The following PIK3C2G variants were observed in gnomAD, a reference collection of about 807,000 sequenced individuals.
The protein encoded by PIK3C2G is phosphatidylinositol 3-kinase C2 domain-containing subunit gamma.
In PIK3C2G, 168 loss-of-function variants were observed where a neutral mutation model predicts 181.1. The observed-to-expected ratio is 0.93, with a 90% CI of 0.82 to 1.05. The LOEUF (loss-of-function observed/expected upper bound fraction) is 1.05, where lower values mean the gene tolerates loss of function less well. PIK3C2G is among the 50% of genes least tolerant of loss of function. The probability of loss-of-function intolerance (pLI) is 0.00; values close to 1 mark genes in which losing one functional copy is unlikely to be tolerated. For missense variants in PIK3C2G, 1,869 were observed against 1,732.8 expected (o/e 1.08, Z -1.40); for synonymous variants, 573 against 592.2 (o/e 0.97, Z 0.47).
At chr12:18,654,134 G>T in the PIK3C2G span, among the ~76,000 whole-genome samples, 6 of 152,002 alleles carry the variant, frequency 3.9e-5, no homozygotes, top group Admixed American at 3.3e-4. Flanking sequence ...TCAAAACACA[G>T]ACTGGGCAGA....
chr12:18,478,221 T>C (rs1050836737), intron 18 of PIK3C2G, among the ~76,000 whole-genome samples: 1 of 152,200 alleles, frequency 6.6e-6, no homozygotes, highest in African/African-American at 2.4e-5. Flanking sequence ...TAACTTAAAA[T>C]TCCATGAGCA....
intron 13 of PIK3C2G, among the ~76,000 whole-genome samples, chr12:18,379,667 A>T (rs1010990129): frequency 2.6e-5 from 4 of 152,174 alleles, no homozygotes; most frequent in Non-Finnish European, 5.9e-5. Flanking sequence ...GCCCCTTTTT[A>T]AGCTGACGGA....
rs113874499 is a variant in PIK3C2G at position 18,315,497 on chromosome 12, G to A, written c.1137+1433G>A. On this transcript the variant is annotated intron_variant, in intron 6 of 32. Transcript: ENST00000538779. Reference sequence around the variant, plus strand: ...GATGCTGCTAAAATAATAACTTATCGGTAGTAATTAACAAATCACTAACAT... The same window carrying A: ...GATGCTGCTAAAATAATAACTTATCAGTAGTAATTAACAAATCACTAACAT... Among the ~76,000 whole-genome samples, 6 of 152,046 alleles carry A rather than the reference G, an allele frequency of 3.9e-5. 1 individual carries two copies. Among genetic ancestry groups the A allele is most frequent in the South Asian group, 4.2e-4 (2 of 4,818 alleles).
chr12:18,546,392 C>G lies in PIK3C2G; in HGVS notation c.3550C>G (p.Pro1184Ala). Reference protein sequence around the residue: ...DLKYVYNNLRPQDTDLEATSH... With the variant: ...DLKYVYNNLRAQDTDLEATSH... The stretch of plus-strand genomic sequence containing the variant: ...GAAATATGTGTATAATAATCTTCGT[C>G]CACAAGACACAGACCTGGAAGCAAC... Residue 1184 changes from proline (P) to alanine (A), a missense_variant, in exon 26 of 33, where the codon CCA (proline) becomes GCA (alanine). By Grantham distance (27) the Pro-to-Ala change is conservative (BLOSUM62 -1). Transcript: ENST00000538779. 1.2e-6 allele frequency: 2 copies of G among 1,600,484 alleles called. No individual in the cohort carries two copies. The highest frequency in any genetic ancestry group is 2.3e-5 in the South Asian group (2 of 88,704).
At chr12:18,587,235 G>C (rs966206542) in intron 29 of PIK3C2G, among the ~76,000 whole-genome samples, 1 of 151,968 alleles carries the variant, frequency 6.6e-6, no homozygotes, top group Admixed American at 6.6e-5. Context: ...ATAAATAAAG[G>C]GCATCCAAAT....
At chr12:18,302,627 G>A (rs757729949) in intron 5 of PIK3C2G, among the ~76,000 whole-genome samples, 17 of 152,234 alleles carry the variant, frequency 1.1e-4, no homozygotes, top group Admixed American at 1.3e-4. Flanking sequence ...TCCCCACCTC[G>A]CATGCTTGGG....
intron 18 of PIK3C2G, among the ~76,000 whole-genome samples, chr12:18,461,064 G>A (rs11044129): frequency 0.15 from 22,048 of 151,942 alleles, 1,749 homozygotes; most frequent in African/African-American, 0.2. Context: ...CTTCAAAACT[G>A]TATGTTTATG....
intron 18 of PIK3C2G, among the ~76,000 whole-genome samples, chr12:18,431,574 C>T (rs905374118): frequency 2.0e-4 from 31 of 152,142 alleles, no homozygotes; most frequent in African/African-American, 6.3e-4. Context: ...GGTAAATGCT[C>T]TCTCTTTTTG....
intron 26 of PIK3C2G, among the ~76,000 whole-genome samples, chr12:18,555,547 T>A (rs920588584): frequency 3.3e-5 from 5 of 152,136 alleles, no homozygotes; most frequent in African/African-American, 1.2e-4. Context: ...GTATAAAAAG[T>A]GCATGTATTA....
chr12:18,726,276 A>G, the PIK3C2G span, among the ~76,000 whole-genome samples: 1 of 152,210 alleles, frequency 6.6e-6, no homozygotes, highest in South Asian at 2.1e-4. Context: ...TTTCGTATTA[A>G]TCATTAAACA....
intron 25 of PIK3C2G, 127 bp downstream of exon 25, chr12:18,538,439 C>A: frequency 1.4e-6 from 1 of 696,120 alleles, no homozygotes; most frequent in Non-Finnish European, 2.4e-6. Context: ...AATGAGAAAA[C>A]TAAGAGTACC....
chr12:18,564,107 T>C (rs1447648418), intron 28 of PIK3C2G, among the ~76,000 whole-genome samples: 7 of 152,010 alleles, frequency 4.6e-5, no homozygotes, highest in Non-Finnish European at 8.8e-5. Context: ...ATTTTGTTCA[T>C]TTTGAAGCCA....
intron 3 of PIK3C2G, among the ~76,000 whole-genome samples, chr12:18,289,991 G>A (rs1226109879): frequency 6.6e-6 from 1 of 152,130 alleles, no homozygotes; most frequent in Non-Finnish European, 1.5e-5. Flanking sequence ...ACTGATCACA[G>A]GGAATCAAGC....
intron 18 of PIK3C2G, among the ~76,000 whole-genome samples, chr12:18,472,824 C>T (rs563672081): frequency 9.9e-5 from 15 of 152,040 alleles, no homozygotes; most frequent in East Asian, 7.7e-4. Flanking sequence ...CTAAGCTTCC[C>T]GAGTAGCTGG....
intron 16 of PIK3C2G, among the ~76,000 whole-genome samples, chr12:18,403,854 T>C (rs759219030): frequency 1.3e-5 from 2 of 152,004 alleles, no homozygotes; most frequent in African/African-American, 2.4e-5. Context: ...TGGCAGATGG[T>C]TGCTATTTTC....
chr12:18,673,059 G>T, the PIK3C2G span, among the ~76,000 whole-genome samples: 43 of 152,192 alleles, frequency 2.8e-4, no homozygotes, highest in African/African-American at 1.0e-3. Flanking sequence ...ACATAGAAGA[G>T]AATTAAAAAG....
At chr12:18,494,394 G>T (rs1422294842) in intron 20 of PIK3C2G, among the ~76,000 whole-genome samples, 1 of 152,066 alleles carries the variant, frequency 6.6e-6, no homozygotes, top group Non-Finnish European at 1.5e-5. Context: ...ATATGTGTGT[G>T]TGTGGGTGGG....
chr12:18,676,862 T>C, the PIK3C2G span, among the ~76,000 whole-genome samples: 3 of 152,118 alleles, frequency 2.0e-5, no homozygotes, highest in South Asian at 6.2e-4. Context: ...ATCACAGCCA[T>C]GTAAAATAAT....
At chr12:18,410,316 C>G (rs2135621961) in intron 16 of PIK3C2G, among the ~76,000 whole-genome samples, 1 of 152,062 alleles carries the variant, frequency 6.6e-6, no homozygotes, top group Non-Finnish European at 1.5e-5. Context: ...ACCAGCCTGG[C>G]CAACATGGTG....
Sources: allele counts gnomAD v4.1 joint callset (sites outside exome capture counted in the v4.1 genomes callset), GRCh38; gene constraint gnomAD v4.1.1; transcripts MANE v1.5; gene names NCBI Gene and HGNC (gene_info 2026-07-23, HGNC 2026-07-21).